Variants in WDR17 observed in about 807,000 individuals in gnomAD.
WDR17 encodes the protein WD repeat domain 17.
A neutral mutation model predicts 161.7 loss-of-function variants in WDR17; 143 were observed. The observed-to-expected ratio is 0.88, with a 90% confidence interval of 0.77 to 1.02. The LOEUF (loss-of-function observed/expected upper bound fraction) is 1.02. Among genes scored for constraint, WDR17 ranks in the 50% least tolerant of loss-of-function variants. The probability of loss-of-function intolerance (pLI) is 0.00; values close to 1 mark genes in which losing one functional copy is unlikely to be tolerated. For missense variants in WDR17, 1,469 were observed against 1,520.9 expected, an observed-to-expected ratio of 0.97 and a Z score of 0.57; for synonymous variants, 517 against 515.6, an observed-to-expected ratio of 1.00 and a Z score of -0.04.
At chr4:176,066,513 A>G (rs1423028096) in intron 1 of WDR17, among the ~76,000 whole-genome samples, 1 of 152,206 alleles carries the variant, frequency 6.6e-6, no homozygotes, top group East Asian at 1.9e-4. Context: ...AGTAAAAAGG[A>G]AATGCGTTCC....
chr4:176,152,495 A>G (rs1193829523), intron 17 of WDR17, among the ~76,000 whole-genome samples: 2 of 144,406 alleles, frequency 1.4e-5, no homozygotes, highest in Non-Finnish European at 3.0e-5. Flanking sequence ...AGTCCCAGCT[A>G]CTTGGGAGGC....
rs778799763 is a variant in WDR17 at position 176,125,199 on chromosome 4, A to C, written c.634A>C (p.Thr212Pro). 3.7e-6 allele frequency: 6 copies of C among 1,614,180 alleles called. No homozygotes were observed. Among genetic ancestry groups the C allele is most frequent in the East Asian group, 2.2e-5 (1 of 44,880 alleles). The change falls in exon 5 of 29, where the codon ACT becomes CCT. Residue 212 changes from threonine to proline, a missense_variant. By Grantham distance (38) the Thr-to-Pro change is conservative (BLOSUM62 -1). Coordinates refer to ENST00000508596, the MANE Select transcript of WDR17 (RefSeq NM_181265.4). ...GGCCTTGGAATGGGACCCACTATCT[A>C]CTGATTATCTTCTAGTGGTTAATTT... ...VTALEWDPLS[T>P]DYLLVVNLHY... is the part of the protein sequence containing the mutation.
At chr4:176,118,183 G>A (rs995943240) in intron 3 of WDR17, among the ~76,000 whole-genome samples, 3 of 152,120 alleles carry the variant, frequency 2.0e-5, no homozygotes, top group African/African-American at 7.2e-5. Flanking sequence ...GAATTAAATT[G>A]CAACACTCCT....
chr4:176,161,055 A>T (rs1259164914), intron 20 of WDR17, 53 bp downstream of exon 20: 3 of 1,495,052 alleles, frequency 2.0e-6, no homozygotes, highest in Admixed American at 4.0e-5. Flanking sequence ...TCTTCCCTTT[A>T]GGAATTTTTG....
At chr4:176,168,563 T>TAA (rs1484891196) in intron 22 of WDR17, 109 bp from the exon 23 acceptor site, 1 of 1,327,584 alleles carries the variant, frequency 7.5e-7, no homozygotes, top group African/African-American at 1.5e-5. Context: ...TTGTGTAAAT[T>TAA]AAAAAGCAAG....
intron 17 of WDR17, among the ~76,000 whole-genome samples, chr4:176,153,932 A>G (rs1189101103): frequency 2.0e-5 from 3 of 152,228 alleles, no homozygotes; most frequent in African/African-American, 7.2e-5. Flanking sequence ...TTTAACTAAA[A>G]GTTGCTTTTT....
intron 23 of WDR17, among the ~76,000 whole-genome samples, chr4:176,170,316 CT>C (rs34343977): frequency 0.4 from 50,317 of 124,700 alleles, 7,830 homozygotes; most frequent in East Asian, 0.53. Flanking sequence ...TTTCTTTTTT[CT>C]TTTTTTTTTT....
chr4:176,137,662 T>C (rs1744634539), intron 9 of WDR17, 51 bp downstream of exon 9: 1 of 1,122,146 alleles, frequency 8.9e-7, no homozygotes, highest in Admixed American at 2.7e-5. Flanking sequence ...TACTATTTTG[T>C]ATTTATTTTG....
At position 176,115,974 on chromosome 4, in the gene WDR17, CA is replaced by C; in HGVS notation, c.306del (p.Ile104SerfsTer36). On this transcript the variant is annotated frameshift_variant, in exon 3 of 29. Coordinates refer to ENST00000508596, the MANE Select transcript of WDR17 (RefSeq NM_181265.4). LOFTEE classifies it high-confidence loss of function. ...EQKVIAKLDS[T>X]KGIPASLSWC... ...AAAGTCATTGCTAAACTCGACAGTACAAAAGGTATAATTACAACTGGGATTT... is the reference window on the plus strand; with the variant it reads ...AAAGTCATTGCTAAACTCGACAGTACAAAGGTATAATTACAACTGGGATTT... 6.3e-7 allele frequency: 1 copy of C among 1,595,976 alleles called. No individual in the cohort carries two copies. The highest frequency in any genetic ancestry group is 2.3e-5 in the East Asian group (1 of 43,746).
At chr4:176,139,788 A>G (rs1338130255) in intron 9 of WDR17, 104 bp from the exon 10 acceptor site, 5 of 915,208 alleles carry the variant, frequency 5.5e-6, no homozygotes, top group Non-Finnish European at 8.3e-6. Context: ...AGTGTCATCT[A>G]AAGCACATTC....
chr4:176,103,605 A>G (rs897543361), intron 1 of WDR17, among the ~76,000 whole-genome samples: 6 of 152,102 alleles, frequency 3.9e-5, no homozygotes, highest in African/African-American at 1.4e-4. Context: ...AAAACCAAAA[A>G]AAGAATTGTA....
rs1483661617 is a variant in WDR17, at chr4:176,125,102, AG to A, written c.539del. On this transcript the variant is annotated splice_acceptor_variant, in intron 4 of 28. Transcript: ENST00000508596. LOFTEE classifies it high-confidence loss of function. Reference sequence around the variant, plus strand: ...GAAATAATTATCTCTGTATTTTAACAGGTAATAAAAATCAGAAACATGTTTT... The same window carrying A: ...GAAATAATTATCTCTGTATTTTAACAGTAATAAAAATCAGAAACATGTTTT... 6.8e-6 allele frequency: 11 copies of A among 1,613,436 alleles called. No homozygotes were observed. Among genetic ancestry groups the A allele is most frequent in the Non-Finnish European group, 8.5e-6 (10 of 1,179,740 alleles).
chr4:176,117,074 T>G (rs532945326), intron 3 of WDR17, among the ~76,000 whole-genome samples: 1 of 152,064 alleles, frequency 6.6e-6, no homozygotes, highest in East Asian at 1.9e-4. Context: ...TGCCCCAATC[T>G]CTGAACAAAA....
chr4:176,105,040 A>T (rs73874926), intron 1 of WDR17, among the ~76,000 whole-genome samples: 4,448 of 152,018 alleles, frequency 0.029, 207 homozygotes, highest in African/African-American at 0.1. Flanking sequence ...GATGAAAAAA[A>T]TTTTTTCCAT....
intron 1 of WDR17, among the ~76,000 whole-genome samples, chr4:176,078,078 C>CTTGA (rs1734276791): frequency 6.6e-6 from 1 of 151,958 alleles, no homozygotes; most frequent in African/African-American, 2.4e-5. Flanking sequence ...GTGTAATTAT[C>CTTGA]TTGATATTTA....
At chr4:176,127,011 A>G (rs1742555693) in intron 5 of WDR17, among the ~76,000 whole-genome samples, 1 of 152,092 alleles carries the variant, frequency 6.6e-6, no homozygotes, top group South Asian at 2.1e-4. Context: ...TTTATAAATT[A>G]CCCAGTCTTG....
At position 176,149,967 on chromosome 4, in the gene WDR17, T is replaced by C; in HGVS notation, c.2047+11T>C. The C allele has an allele frequency of 6.2e-7, 1 of 1,611,458 alleles. No individual in the cohort carries two copies. The highest frequency in any genetic ancestry group is 8.5e-7 in the Non-Finnish European group (1 of 1,179,370). On this transcript the variant is annotated intron_variant, in intron 14 of 28. Coordinates refer to ENST00000508596, the MANE Select transcript of WDR17 (RefSeq NM_181265.4). Reference sequence around the variant, plus strand: ...TTATTGGGAACACTGGTATGGAACATATACATGTATTAGAGTTTATTTCTA... The same window carrying C: ...TTATTGGGAACACTGGTATGGAACACATACATGTATTAGAGTTTATTTCTA...
chr4:176,159,452 A>G (rs1748700211), intron 18 of WDR17, among the ~76,000 whole-genome samples: 1 of 152,142 alleles, frequency 6.6e-6, no homozygotes. Flanking sequence ...ACATGTCTGG[A>G]ACATTATTTT....
chr4:176,137,673 T>G (rs78917212), intron 9 of WDR17, 62 bp downstream of exon 9: 5 of 1,012,704 alleles, frequency 4.9e-6, no homozygotes, highest in Non-Finnish European at 6.8e-6. Flanking sequence ...ATTTATTTTG[T>G]AAATATTTTT....
Sources: allele counts gnomAD v4.1 joint callset (sites outside exome capture counted in the v4.1 genomes callset), GRCh38; gene constraint gnomAD v4.1.1; transcripts MANE v1.5; gene names NCBI Gene and HGNC (gene_info 2026-07-23, HGNC 2026-07-21).